The following CCNY variants were observed in gnomAD, a reference collection of about 807,000 sequenced individuals.
The protein encoded by CCNY is cyclin-Y.
A neutral mutation model predicts 42.8 loss-of-function variants in CCNY; 19 were observed. That is an observed-to-expected ratio of 0.44 (90% CI 0.31 to 0.65). The LOEUF is 0.65. CCNY is among the 30% of genes least tolerant of loss of function. The pLI is 0.07. For missense variants in CCNY, 370 were observed against 437.3 expected (o/e 0.85, Z 1.37); for synonymous variants, 165 against 162.7 (o/e 1.01, Z -0.11).
At position 35,501,455 on chromosome 10, in the gene CCNY, G is replaced by A. The variant is rs200040932; in HGVS notation, c.230-46G>A. 16 of 1,571,714 alleles carry A rather than the reference G, an allele frequency of 1.0e-5. No homozygotes were observed. In the East Asian group the frequency reaches 3.4e-4, roughly 33 times the overall value. On this transcript the variant is annotated intron_variant, in intron 2 of 9. Transcript: ENST00000374704. The stretch of plus-strand genomic sequence containing the variant: ...AGTCCTCATCCACCTGCCAGGGGTT[G>A]GCATGCAGGCATATAACATTTCTGT...
In CCNY at chr10:35,571,526, A is replaced by G. The variant is rs1169278181; in HGVS notation, c.*2356A>G. On this transcript the variant is annotated 3_prime_UTR_variant, in exon 10 of 10. Coordinates refer to ENST00000374704, the MANE Select transcript of CCNY (RefSeq NM_145012.6). The stretch of plus-strand genomic sequence containing the variant: ...TGTATTAATTGGTTATGTTTCTTGC[A>G]CTAAGGATGTTTAAAACTCCGCTGT... The G allele has an allele frequency of 6.6e-6, 1 of 152,338 alleles. No individual in the cohort carries two copies. The highest frequency in any genetic ancestry group is 2.4e-5 in the African/African-American group (1 of 41,464). 9.4% of individuals were successfully genotyped at this position (152,338 alleles called of 1,614,324 possible).
At chr10:35,366,070 ACTT>A (rs1836801877) in intron 1 of CCNY, among the ~76,000 whole-genome samples, 1 of 152,202 alleles carries the variant, frequency 6.6e-6, no homozygotes, top group East Asian at 1.9e-4. Flanking sequence ...GTAAATGCAG[ACTT>A]CTTTTTCTTT....
At chr10:35,248,383 C>A (rs1445367399) in intron 2 of CCNY, among the ~76,000 whole-genome samples, 1 of 152,126 alleles carries the variant, frequency 6.6e-6, no homozygotes, top group Non-Finnish European at 1.5e-5. Context: ...GTGGCTCACG[C>A]CTGTAATCCC....
chr10:35,564,901 G>A (rs1841537767), intron 8 of CCNY, among the ~76,000 whole-genome samples: 1 of 152,216 alleles, frequency 6.6e-6, no homozygotes, highest in Non-Finnish European at 1.5e-5. Flanking sequence ...GAGGAGAACA[G>A]CCCAAGAGGC....
At position 35,322,205 on chromosome 10, in the gene CCNY, T is replaced by C. The variant is rs1228468099; in HGVS notation, c.-9+71579T>C. Among the ~76,000 whole-genome samples the C allele has an allele frequency of 2.0e-5, 3 of 151,900 alleles. No homozygotes were observed. In the East Asian group the frequency reaches 5.8e-4, roughly 29 times the overall value. ...CCTGTCTCTACTAAAAATACAAAAA[T>C]TAGCTGGGCATCGCAGTGCTTGCCT... is the stretch of plus-strand genomic sequence containing the variant. On this transcript the variant is annotated intron_variant, in intron 3 of 11. Transcript: ENST00000374706.
intron 3 of CCNY, among the ~76,000 whole-genome samples, chr10:35,309,562 A>G (rs780178870): frequency 1.3e-5 from 2 of 152,126 alleles, no homozygotes; most frequent in Non-Finnish European, 2.9e-5. Context: ...CTGGGACTGC[A>G]GGCACACACC....
At chr10:35,533,119 T>C (rs370562248) in intron 7 of CCNY, among the ~76,000 whole-genome samples, 1 of 152,096 alleles carries the variant, frequency 6.6e-6, no homozygotes, top group South Asian at 2.1e-4. Flanking sequence ...AGGACAGTAT[T>C]AATAGCTTTC....
At chr10:35,371,017 G>C (rs772386838) in intron 1 of CCNY, among the ~76,000 whole-genome samples, 4 of 152,158 alleles carry the variant, frequency 2.6e-5, no homozygotes, top group Non-Finnish European at 5.9e-5. Flanking sequence ...ACCTGGCCAG[G>C]TTAAAACTCT....
rs974288909 is a variant in CCNY at position 35,572,528 on chromosome 10, C to A, written c.*3358C>A. 2.0e-5 allele frequency: 3 copies of A among 152,190 alleles called. No individual in the cohort carries two copies. The highest frequency in any genetic ancestry group is 4.4e-5 in the Non-Finnish European group (3 of 68,040). The allele number at this position is 152,190 out of a possible 1,614,324, so 9.4% of individuals were successfully genotyped here. Reference sequence around the variant, plus strand: ...CTCCTGACCTCAAGTGATCCACCCCCCTCAGCCTCCCAAAGTGCTGAGATT... The same window carrying A: ...CTCCTGACCTCAAGTGATCCACCCCACTCAGCCTCCCAAAGTGCTGAGATT... On this transcript the variant is annotated 3_prime_UTR_variant, in exon 10 of 10. Transcript: ENST00000374704.
intron 3 of CCNY, among the ~76,000 whole-genome samples, chr10:35,300,349 A>G (rs1835519804): frequency 1.3e-5 from 2 of 151,266 alleles, no homozygotes; most frequent in African/African-American, 2.4e-5. Context: ...CTGTATCACA[A>G]TCTGCAAAGC....
At chr10:35,441,477 C>A (rs139383437) in intron 1 of CCNY, among the ~76,000 whole-genome samples, 1 of 152,074 alleles carries the variant, frequency 6.6e-6, no homozygotes, top group Non-Finnish European at 1.5e-5. Flanking sequence ...ATGGAAAAAG[C>A]GGTAGGAGGC....
intron 3 of CCNY, among the ~76,000 whole-genome samples, chr10:35,328,899 G>A (rs1273219229): frequency 6.6e-6 from 1 of 152,176 alleles, no homozygotes; most frequent in African/African-American, 2.4e-5. Context: ...GCTACAAAGA[G>A]TAAAACAAGT....
At chr10:35,529,831 C>T (rs1218911479) in intron 5 of CCNY, 142 bp from the exon 6 acceptor site, 4 of 706,434 alleles carry the variant, frequency 5.7e-6, no homozygotes, top group Non-Finnish European at 9.4e-6. Context: ...GATGGCGCCA[C>T]TGCACTCCAG....
intron 8 of CCNY, among the ~76,000 whole-genome samples, chr10:35,553,510 G>T (rs1841303111): frequency 6.6e-6 from 1 of 152,166 alleles, no homozygotes. Flanking sequence ...GTTTATATTT[G>T]GGCTTTGTAT....
Position 35,530,312 on chromosome 10 carries a change from G to A in CCNY, c.579+69G>A. Reference sequence around the variant, plus strand: ...GTCCAGGGCCCGTTCCTGTTACTCAGCGGAGTGAGGTTGGAGCAGGGAATC... The same window carrying A: ...GTCCAGGGCCCGTTCCTGTTACTCAACGGAGTGAGGTTGGAGCAGGGAATC... On this transcript the variant is annotated intron_variant, in intron 7 of 9. Coordinates refer to ENST00000374704, the MANE Select transcript of CCNY (RefSeq NM_145012.6). The surrounding 1 kb of genome is among the most constrained non-coding windows in gnomAD (Gnocchi z 4.3). 1.9e-6 allele frequency: 3 copies of A among 1,597,190 alleles called. No homozygotes were observed. The East Asian group carries it at 6.7e-5, about 36-fold the overall frequency.
At position 35,544,119 on chromosome 10, in the gene CCNY, A is replaced by G. The variant is rs556171061; in HGVS notation, c.580-8900A>G. Among the ~76,000 whole-genome samples, 8 of 152,320 alleles carry G rather than the reference A, an allele frequency of 5.3e-5. No individual in the cohort carries two copies. The South Asian group carries it at 1.0e-3, about 20-fold the overall frequency. Reference sequence around the variant, plus strand: ...TATTATTACAGAAAATCTTTTTCATAAATTTAATAGAGCCTAAATGTACAG... The same window carrying G: ...TATTATTACAGAAAATCTTTTTCATGAATTTAATAGAGCCTAAATGTACAG... On this transcript the variant is annotated intron_variant, in intron 7 of 9. Coordinates refer to ENST00000374704, the MANE Select transcript of CCNY (RefSeq NM_145012.6).
chr10:35,372,759 G>A (rs2135177437), intron 1 of CCNY, among the ~76,000 whole-genome samples: 1 of 152,312 alleles, frequency 6.6e-6, no homozygotes, highest in Admixed American at 6.5e-5. Context: ...GAGTACAATG[G>A]CGCGATCTCA....
chr10:35,403,063 G>A lies in CCNY; in HGVS notation c.154+65856G>A, dbSNP rs570915655. On this transcript the variant is annotated intron_variant, in intron 1 of 9. Transcript: ENST00000374704. The stretch of plus-strand genomic sequence containing the variant: ...TTGGTTTCCTGACTCCGGGCATGTG[G>A]GTAAAGTCAATTTGCCAGTCCTGGG... Among the ~76,000 whole-genome samples the A allele has an allele frequency of 4.4e-3, 629 of 143,432 alleles. 9 individuals are homozygous for A. The highest frequency in any genetic ancestry group is 0.041 in the South Asian group (165 of 4,048). 94.1% of individuals were successfully genotyped at this position (143,432 alleles called of 152,430 possible). A position where few individuals can be genotyped will look rare whatever the true frequency, so the allele number is the denominator to read the frequency against.
intron 3 of CCNY, among the ~76,000 whole-genome samples, chr10:35,502,358 C>T (rs1840127924): frequency 6.6e-6 from 1 of 152,210 alleles, no homozygotes; most frequent in African/African-American, 2.4e-5. Flanking sequence ...AAGGGTCTTT[C>T]TCAGGATTTT....
Sources: allele counts gnomAD v4.1 joint callset (sites outside exome capture counted in the v4.1 genomes callset), GRCh38; gene constraint gnomAD v4.1.1; non-coding constraint Gnocchi (gnomAD v3.1); transcripts MANE v1.5; gene names NCBI Gene and HGNC (gene_info 2026-07-23, HGNC 2026-07-21).